ESR1: variants seen among roughly 807,000 people sequenced by gnomAD.
The protein encoded by ESR1 is estrogen receptor 1, also known as estrogen receptor.
A neutral mutation model predicts 52.7 loss-of-function variants in ESR1; 12 were observed. That is an observed-to-expected ratio of 0.23 (90% confidence interval 0.15 to 0.37). The LOEUF (loss-of-function observed/expected upper bound fraction) is 0.37. ESR1 is among the 10% of genes least tolerant of loss of function. The pLI, the probability that ESR1 is intolerant of heterozygous loss-of-function variation, is 1.00. For synonymous variants in ESR1, 305 were observed against 316.8 expected (o/e 0.96, Z 0.39); for missense variants, 584 against 779.7 (o/e 0.75, Z 2.99).
intron 1 of ESR1, among the ~76,000 whole-genome samples, chr6:151,823,135 T>A (rs116305115): frequency 0.015 from 2,323 of 152,364 alleles, 55 homozygotes; most frequent in African/African-American, 0.053. Context: ...TTATCTGAAA[T>A]TCAAATTTAA....
upstream of ESR1, among the ~76,000 whole-genome samples, chr6:151,803,338 T>C (rs1025836586): frequency 6.6e-6 from 1 of 152,198 alleles, no homozygotes; most frequent in Non-Finnish European, 1.5e-5. Flanking sequence ...ATGAATGTGG[T>C]AGCATTTGGG....
At chr6:151,789,995 C>A (rs545513850) in intron 2 of ESR1, among the ~76,000 whole-genome samples, 43 of 152,300 alleles carry the variant, frequency 2.8e-4, no homozygotes, top group African/African-American at 9.1e-4. Context: ...AGCTGCCCCC[C>A]CTCACTCAGG....
chr6:151,764,998 G>C, intron 2 of ESR1, among the ~76,000 whole-genome samples: 1 of 152,070 alleles, frequency 6.6e-6, no homozygotes, highest in East Asian at 1.9e-4. Context: ...CACACGTGTC[G>C]TTTAAACTTT....
chr6:151,928,017 C>T (rs1427088216), intron 3 of ESR1, among the ~76,000 whole-genome samples: 5 of 152,130 alleles, frequency 3.3e-5, no homozygotes, highest in African/African-American at 1.2e-4. Context: ...AGCCACCGTG[C>T]CCGGCTTCTT....
chr6:152,061,062 G>T lies in ESR1; in HGVS notation c.1307G>T (p.Arg436Leu). 2 of 1,613,194 alleles carry T rather than the reference G, an allele frequency of 1.2e-6. No individual in the cohort carries two copies. Among genetic ancestry groups the T allele is most frequent in the South Asian group, 1.1e-5 (1 of 91,048 alleles). Residue 436 changes from arginine (R) to leucine (L), a missense_variant, in exon 6 of 8, where the codon CGC becomes CTC. By Grantham distance (102) the Arg-to-Leu change is moderately radical. Transcript: ENST00000206249. This position sits in a 1 kb window ranked among gnomAD's most constrained non-coding sequence, Gnocchi z 4.3. ...CTGCTGGCTACATCATCTCGGTTCC[G>T]CATGATGAATCTGCAGGGAGAGGAG... The part of the protein sequence containing the change: ...DMLLATSSRF[R>L]MMNLQGEEFV...
chr6:151,908,325 A>G (rs868556574), intron 3 of ESR1, among the ~76,000 whole-genome samples: 3 of 152,038 alleles, frequency 2.0e-5, no homozygotes, highest in African/African-American at 7.2e-5. Flanking sequence ...TCATTATTGT[A>G]TCTTGCTGAT....
At chr6:152,019,088 G>C (rs1020159878) in intron 5 of ESR1, among the ~76,000 whole-genome samples, 15 of 152,124 alleles carry the variant, frequency 9.9e-5, no homozygotes, top group Admixed American at 1.3e-4. Flanking sequence ...ATATGAAACT[G>C]TAAGCTGTTT....
At chr6:151,735,879 C>T (rs901885071) in intron 2 of ESR1, among the ~76,000 whole-genome samples, 8 of 152,102 alleles carry the variant, frequency 5.3e-5, no homozygotes, top group African/African-American at 1.9e-4. Context: ...ATGCTGTTGT[C>T]ATAATAGTGA....
At chr6:151,834,475 A>G (rs1782956507) in intron 1 of ESR1, among the ~76,000 whole-genome samples, 1 of 152,202 alleles carries the variant, frequency 6.6e-6, no homozygotes, top group Non-Finnish European at 1.5e-5. Context: ...GCATGTTCTC[A>G]CTGGTAAGTG....
intron 4 of ESR1, among the ~76,000 whole-genome samples, chr6:151,973,571 C>T (rs1039502222): frequency 5.3e-5 from 8 of 152,144 alleles, no homozygotes; most frequent in African/African-American, 1.9e-4. Context: ...TCCTGAGAGT[C>T]TACTATGCTC....
chr6:152,016,663 T>C (rs953194633), intron 5 of ESR1, among the ~76,000 whole-genome samples: 1 of 152,218 alleles, frequency 6.6e-6, no homozygotes, highest in Non-Finnish European at 1.5e-5. Flanking sequence ...AGCTCTCTGA[T>C]GCAGATGACA....
chr6:151,708,718 A>G (rs1485936019), intron 2 of ESR1, among the ~76,000 whole-genome samples: 2 of 152,102 alleles, frequency 1.3e-5, no homozygotes, highest in African/African-American at 2.4e-5. Flanking sequence ...TCAATTACCA[A>G]TGGATATCCT....
chr6:151,791,155 T>C (rs530326377), intron 2 of ESR1, among the ~76,000 whole-genome samples: 7 of 152,282 alleles, frequency 4.6e-5, no homozygotes, highest in African/African-American at 1.7e-4. Context: ...TTATCAGCTG[T>C]GTGGTGGATC....
intron 2 of ESR1, among the ~76,000 whole-genome samples, chr6:151,747,749 G>A (rs970650732): frequency 2.6e-4 from 39 of 152,052 alleles, no homozygotes; most frequent in Admixed American, 2.2e-3. Flanking sequence ...GGTCTTTTGC[G>A]TCTGGCTTAT....
At chr6:151,920,871 T>C (rs2031512347) in intron 3 of ESR1, among the ~76,000 whole-genome samples, 1 of 152,186 alleles carries the variant, frequency 6.6e-6, no homozygotes, top group Admixed American at 6.5e-5. Context: ...ACAGTTACTC[T>C]TCTCCCTGTC....
intron 4 of ESR1, among the ~76,000 whole-genome samples, chr6:151,978,179 A>C (rs187381841): frequency 6.6e-5 from 10 of 152,282 alleles, no homozygotes; most frequent in Admixed American, 6.5e-4. Flanking sequence ...AGATATGAAA[A>C]TAAAATCCAA....
intron 2 of ESR1, among the ~76,000 whole-genome samples, chr6:151,872,583 G>T (rs958660746): frequency 1.3e-5 from 2 of 152,022 alleles, no homozygotes; most frequent in African/African-American, 4.8e-5. Context: ...AAAACATTTT[G>T]AATTCTTCTT....
intron 5 of ESR1, among the ~76,000 whole-genome samples, chr6:152,022,524 A>G (rs1166258857): frequency 2.6e-5 from 4 of 152,146 alleles, no homozygotes; most frequent in Non-Finnish European, 4.4e-5. Context: ...AAGATAATAG[A>G]GAAAAGGTAT....
intron 2 of ESR1, among the ~76,000 whole-genome samples, chr6:151,748,562 C>T (rs376482753): frequency 2.0e-5 from 3 of 152,086 alleles, no homozygotes; most frequent in East Asian, 1.9e-4. Context: ...TACAATTGTT[C>T]TTGAGTACAT....
Sources: gnomAD v4.1 joint callset for allele counts (sites outside exome capture counted in the v4.1 genomes callset) on GRCh38, gnomAD v4.1.1 for gene constraint, Gnocchi (gnomAD v3.1) non-coding constraint, MANE v1.5 for transcripts, NCBI Gene and HGNC (gene_info 2026-07-23, HGNC 2026-07-21) for gene names.